The following SYN2 variants were observed in gnomAD, a reference collection of about 807,000 sequenced individuals.
SYN2 encodes the protein synapsin-2.
SYN2 carries 19 observed loss-of-function variants against 50.9 expected under a neutral mutation model. That is an observed-to-expected ratio of 0.37 (90% CI 0.26 to 0.55). The LOEUF is 0.55. Ranked by LOEUF, SYN2 falls within the 20% of genes least tolerant of loss-of-function variation. The pLI is 0.81. For missense variants in SYN2, 587 were observed against 576.4 expected, an observed-to-expected ratio of 1.02 and a Z score of -0.19; for synonymous variants, 255 against 224.9, an observed-to-expected ratio of 1.13 and a Z score of -1.20.
chr3:12,013,189 G>A (rs1010906558), intron 1 of SYN2, among the ~76,000 whole-genome samples: 2 of 152,076 alleles, frequency 1.3e-5, no homozygotes, highest in Non-Finnish European at 2.9e-5. Flanking sequence ...GGCTAGTCCC[G>A]AAGTCTTGGC....
intron 1 of SYN2, among the ~76,000 whole-genome samples, chr3:12,124,993 A>G (rs1216858102): frequency 1.3e-5 from 2 of 152,198 alleles, no homozygotes; most frequent in Non-Finnish European, 2.9e-5. Context: ...TTAAGTTTGG[A>G]GAAATGTATA....
At chr3:12,135,891 A>G (rs1696884947) in intron 1 of SYN2, among the ~76,000 whole-genome samples, 1 of 152,246 alleles carries the variant, frequency 6.6e-6, no homozygotes. Context: ...TATAATGATT[A>G]TATTTGTACA....
intron 1 of SYN2, among the ~76,000 whole-genome samples, chr3:12,069,423 A>G (rs1446425854): frequency 2.6e-5 from 4 of 151,330 alleles, no homozygotes; most frequent in Non-Finnish European, 4.4e-5. Context: ...TAATTTTTGT[A>G]TTTTTAGTAG....
intron 1 of SYN2, among the ~76,000 whole-genome samples, chr3:12,007,113 C>T (rs564391942): frequency 6.6e-6 from 1 of 152,238 alleles, no homozygotes; most frequent in Non-Finnish European, 1.5e-5. Flanking sequence ...GCTTCTGTAG[C>T]TTAAGATTTG....
intron 5 of SYN2, among the ~76,000 whole-genome samples, chr3:12,160,222 A>G (rs1697615694): frequency 6.6e-6 from 1 of 152,036 alleles, no homozygotes; most frequent in African/African-American, 2.4e-5. Flanking sequence ...GGATAGTGGG[A>G]GGCTGGGTTC....
At chr3:12,078,652 C>T (rs1376861440) in intron 1 of SYN2, among the ~76,000 whole-genome samples, 2 of 152,022 alleles carry the variant, frequency 1.3e-5, no homozygotes, top group Admixed American at 6.6e-5. Flanking sequence ...TGTTCTGTTC[C>T]ATTGGCCTAT....
chr3:12,015,581 G>A (rs923177458), intron 1 of SYN2, among the ~76,000 whole-genome samples: 1 of 152,206 alleles, frequency 6.6e-6, no homozygotes, highest in African/African-American at 2.4e-5. Context: ...TTTATAAAGT[G>A]TAAAGTGCTA....
chr3:12,169,154 G>C (rs535490095), intron 9 of SYN2, among the ~76,000 whole-genome samples: 23 of 152,288 alleles, frequency 1.5e-4, no homozygotes, highest in African/African-American at 5.3e-4. Context: ...GTGGGCCTCT[G>C]TTTTCTCATC....
chr3:12,076,550 G>C (rs1473575918), intron 1 of SYN2, among the ~76,000 whole-genome samples: 1 of 150,974 alleles, frequency 6.6e-6, no homozygotes, highest in Non-Finnish European at 1.5e-5. Context: ...TGGGAAGTGA[G>C]AATGGAAAAA....
intron 1 of SYN2, among the ~76,000 whole-genome samples, chr3:12,129,585 C>T (rs1391187444): frequency 6.6e-6 from 1 of 151,190 alleles, no homozygotes; most frequent in Non-Finnish European, 1.5e-5. Flanking sequence ...GGCACTCTTC[C>T]TTCTTTTTGA....
At chr3:12,185,274 T>A in intron 11 of SYN2, 2 of 985,776 alleles carry the variant, frequency 2.0e-6, no homozygotes, top group Non-Finnish European at 2.4e-6. Context: ...TATCGTATAT[T>A]TTTGTCCAAG....
intron 9 of SYN2, among the ~76,000 whole-genome samples, 176 bp downstream of exon 9, chr3:12,168,654 A>T (rs1413454952): frequency 6.6e-6 from 1 of 152,216 alleles, no homozygotes; most frequent in African/African-American, 2.4e-5. Context: ...AAGATGTTGA[A>T]TACGGGTTGA....
intron 1 of SYN2, among the ~76,000 whole-genome samples, chr3:12,035,905 T>A (rs1234425665): frequency 6.6e-6 from 1 of 152,170 alleles, no homozygotes; most frequent in Non-Finnish European, 1.5e-5. Context: ...GGGTCCAGGT[T>A]TTTTTGAAAA....
At chr3:12,025,629 C>T (rs899485272) in intron 1 of SYN2, among the ~76,000 whole-genome samples, 29 of 152,082 alleles carry the variant, frequency 1.9e-4, no homozygotes, top group Non-Finnish European at 4.1e-4. Context: ...CTACAGTAGT[C>T]AGTGAGGTGT....
At chr3:12,067,182 A>T (rs902033006) in intron 1 of SYN2, among the ~76,000 whole-genome samples, 1 of 152,202 alleles carries the variant, frequency 6.6e-6, no homozygotes, top group Non-Finnish European at 1.5e-5. Flanking sequence ...TTGTTAAATT[A>T]TATTTCACAT....
At chr3:12,161,695 C>T in intron 6 of SYN2, 87 bp downstream of exon 6, 1 of 1,425,288 alleles carries the variant, frequency 7.0e-7, no homozygotes, top group Non-Finnish European at 9.8e-7. Flanking sequence ...TATTCTCCCT[C>T]TGTCACTGAT....
intron 1 of SYN2, among the ~76,000 whole-genome samples, chr3:12,117,133 G>A (rs1209791838): frequency 6.6e-6 from 1 of 152,156 alleles, no homozygotes; most frequent in Non-Finnish European, 1.5e-5. Flanking sequence ...ATAATTTTCT[G>A]TCCTTTGGAA....
chr3:12,013,354 G>T (rs1308804466), intron 1 of SYN2, among the ~76,000 whole-genome samples: 8 of 152,026 alleles, frequency 5.3e-5, no homozygotes, highest in Admixed American at 4.6e-4. Context: ...AAATGTAGAT[G>T]TTCCTCCGGG....
chr3:12,043,005 T>C (rs1014207923), intron 1 of SYN2, among the ~76,000 whole-genome samples: 4 of 151,922 alleles, frequency 2.6e-5, no homozygotes, highest in Non-Finnish European at 5.9e-5. Context: ...CCCACACCTT[T>C]TTTTTCCTTC....
Sources: gnomAD v4.1 joint callset for allele counts (sites outside exome capture counted in the v4.1 genomes callset) on GRCh38, gnomAD v4.1.1 for gene constraint, MANE v1.5 for transcripts, NCBI Gene and HGNC (gene_info 2026-07-23, HGNC 2026-07-21) for gene names.